TUSC3: variants seen among roughly 807,000 people sequenced by gnomAD.
TUSC3 encodes the protein dolichyl-diphosphooligosaccharide--protein glycosyltransferase subunit TUSC3.
A neutral mutation model predicts 44.8 loss-of-function variants in TUSC3; 45 were observed. The observed-to-expected ratio is 1.00, with a 90% CI of 0.79 to 1.29. TUSC3 has a LOEUF of 1.29. TUSC3 is among the 50% of genes most tolerant of loss of function. The probability of loss-of-function intolerance (pLI) is 0.00; values close to 1 mark genes in which losing one functional copy is unlikely to be tolerated. For synonymous variants in TUSC3, 212 were observed against 152.9 expected, an observed-to-expected ratio of 1.39 and a Z score of -2.85; for missense variants, 519 against 437.9, an observed-to-expected ratio of 1.19 and a Z score of -1.65.
At chr8:15,731,001 G>C (rs1810700203) in intron 7 of TUSC3, among the ~76,000 whole-genome samples, 1 of 151,918 alleles carries the variant, frequency 6.6e-6, no homozygotes, top group African/African-American at 2.4e-5. Context: ...TCTCTGGCTA[G>C]ATTTTTTCAA....
chr8:15,723,134 A>G (rs751732916), intron 6 of TUSC3, among the ~76,000 whole-genome samples: 6 of 152,188 alleles, frequency 3.9e-5, no homozygotes, highest in Admixed American at 1.3e-4. Flanking sequence ...TAGGTTAAGT[A>G]TCAACCTTTT....
intron 10 of TUSC3, among the ~76,000 whole-genome samples, chr8:15,759,205 G>A (rs559532771): frequency 3.3e-5 from 5 of 152,058 alleles, no homozygotes; most frequent in East Asian, 3.9e-4. Context: ...CTTTTTTCCC[G>A]TTTGCACCTT....
At chr8:15,736,450 G>A (rs1810943151) in intron 7 of TUSC3, among the ~76,000 whole-genome samples, 1 of 152,106 alleles carries the variant, frequency 6.6e-6, no homozygotes, top group Non-Finnish European at 1.5e-5. Flanking sequence ...ATTTCCCAGA[G>A]TAGAGAATTT....
intron 1 of TUSC3, among the ~76,000 whole-genome samples, chr8:15,601,110 A>T (rs755109639): frequency 2.0e-5 from 3 of 151,790 alleles, no homozygotes; most frequent in African/African-American, 7.2e-5. Flanking sequence ...TTGTTACAGT[A>T]TCCATAGGTA....
the TUSC3 span, among the ~76,000 whole-genome samples, chr8:15,827,977 A>G: frequency 2.0e-5 from 3 of 148,332 alleles, no homozygotes; most frequent in South Asian, 2.1e-4. Flanking sequence ...CCAGAAAACT[A>G]ATGCAGAATT....
chr8:15,638,618 T>G (rs1806208446), intron 2 of TUSC3, among the ~76,000 whole-genome samples: 1 of 146,284 alleles, frequency 6.8e-6, no homozygotes, highest in Non-Finnish European at 1.5e-5. Flanking sequence ...CTCCGCCTCC[T>G]GGGTTCAAGT....
intron 1 of TUSC3, among the ~76,000 whole-genome samples, chr8:15,452,128 C>T (rs1052571394): frequency 9.9e-5 from 15 of 152,236 alleles, no homozygotes; most frequent in East Asian, 5.8e-4. Flanking sequence ...TTTTACATGA[C>T]GTTAACCGTG....
intron 1 of TUSC3, among the ~76,000 whole-genome samples, chr8:15,576,091 T>C (rs1048643881): frequency 6.6e-6 from 1 of 151,780 alleles, no homozygotes; most frequent in African/African-American, 2.4e-5. Context: ...GTTTCCATTT[T>C]AATTTTTCTA....
At chr8:15,593,338 G>C (rs548247122) in intron 1 of TUSC3, among the ~76,000 whole-genome samples, 1 of 151,934 alleles carries the variant, frequency 6.6e-6, no homozygotes, top group African/African-American at 2.4e-5. Flanking sequence ...CGCCCGCTTC[G>C]GCCTCCCAAA....
the TUSC3 span, among the ~76,000 whole-genome samples, chr8:15,849,210 A>G: frequency 6.6e-6 from 1 of 152,204 alleles, no homozygotes; most frequent in Non-Finnish European, 1.5e-5. Flanking sequence ...GACGTATTCC[A>G]TATCTAATGC....
At chr8:15,730,013 CATTT>C (rs1810653278) in intron 6 of TUSC3, among the ~76,000 whole-genome samples, 1 of 151,758 alleles carries the variant, frequency 6.6e-6, no homozygotes, top group Non-Finnish European at 1.5e-5. Context: ...GAAAATAGGA[CATTT>C]ATTTAAAACA....
At chr8:15,782,773 T>A in the TUSC3 span, among the ~76,000 whole-genome samples, 2 of 152,286 alleles carry the variant, frequency 1.3e-5, no homozygotes, top group Admixed American at 1.3e-4. Flanking sequence ...AGCCAAAAGC[T>A]AACATCTGAA....
the TUSC3 span, among the ~76,000 whole-genome samples, chr8:15,798,185 C>T: frequency 6.6e-6 from 1 of 152,176 alleles, no homozygotes. Context: ...CAGTGTCTAC[C>T]GTACATTCAT....
chr8:15,519,195 G>A (rs752743224), intron 2 of TUSC3, among the ~76,000 whole-genome samples: 1 of 152,028 alleles, frequency 6.6e-6, no homozygotes. Flanking sequence ...TAATGATCAT[G>A]TTTTATTCTC....
chr8:15,486,287 A>C (rs2129125317), intron 2 of TUSC3, among the ~76,000 whole-genome samples: 1 of 152,354 alleles, frequency 6.6e-6, no homozygotes, highest in African/African-American at 2.4e-5. Context: ...AGTAATCATT[A>C]AGACTTGAAG....
At chr8:15,555,458 A>G (rs1389754596) in intron 1 of TUSC3, among the ~76,000 whole-genome samples, 2 of 150,440 alleles carry the variant, frequency 1.3e-5, no homozygotes, top group Admixed American at 1.3e-4. Context: ...CACCATGCCT[A>G]GCTAGTTTTT....
chr8:15,431,597 T>G (rs897237523), intron 1 of TUSC3, among the ~76,000 whole-genome samples: 5 of 149,018 alleles, frequency 3.4e-5, no homozygotes, highest in Non-Finnish European at 7.4e-5. Context: ...GGTTTCTATA[T>G]ATAGGATTAT....
chr8:15,656,180 C>G (rs1177691149), intron 3 of TUSC3, among the ~76,000 whole-genome samples: 2 of 152,068 alleles, frequency 1.3e-5, no homozygotes, highest in African/African-American at 4.8e-5. Context: ...AAACTCATGT[C>G]TTTCTCACAC....
intron 2 of TUSC3, among the ~76,000 whole-genome samples, chr8:15,645,065 T>G (rs1806563580): frequency 6.6e-6 from 1 of 152,150 alleles, no homozygotes; most frequent in South Asian, 2.1e-4. Flanking sequence ...TCTCATATGT[T>G]TTCCCAGCCA....
Sources: gnomAD v4.1 joint callset for allele counts (sites outside exome capture counted in the v4.1 genomes callset) on GRCh38, gnomAD v4.1.1 for gene constraint, MANE v1.5 for transcripts, NCBI Gene and HGNC (gene_info 2026-07-23, HGNC 2026-07-21) for gene names.